The following HDAC9 variants were observed in gnomAD, a reference collection of about 807,000 sequenced individuals.
HDAC9 encodes the protein histone deacetylase 9, also known as MEF-2 interacting transcription repressor (MITR) protein.
A neutral mutation model predicts 139.4 loss-of-function variants in HDAC9; 41 were observed. That is an observed-to-expected ratio of 0.29 (90% CI 0.23 to 0.38). The LOEUF is 0.38. HDAC9 is among the 10% of genes least tolerant of loss of function. HDAC9 has a pLI of 1.00. For missense variants in HDAC9, 1,147 were observed against 1,297.0 expected, an observed-to-expected ratio of 0.88 and a Z score of 1.78; for synonymous variants, 517 against 476.2, an observed-to-expected ratio of 1.09 and a Z score of -1.12.
intron 2 of HDAC9, chr7:18,505,880 A>G (rs567234592): frequency 3.3e-5 from 5 of 152,332 alleles, no homozygotes; most frequent in African/African-American, 1.2e-4. Flanking sequence ...GCAGATGTCC[A>G]CATGTCTGTG....
intron 25 of HDAC9, among the ~76,000 whole-genome samples, chr7:18,986,759 T>C (rs1413669101): frequency 1.3e-5 from 2 of 152,192 alleles, no homozygotes; most frequent in Admixed American, 6.5e-5. Context: ...AGCAGTGGTT[T>C]GTAGTTCTCC....
At chr7:18,820,959 G>A (rs2129198844) in intron 17 of HDAC9, among the ~76,000 whole-genome samples, 1 of 152,140 alleles carries the variant, frequency 6.6e-6, no homozygotes, top group East Asian at 1.9e-4. Context: ...TGTATGATAA[G>A]CAGAAATGTA....
In HDAC9 at chr7:18,595,681, A is replaced by G. The variant is rs943899831; in HGVS notation, c.664+1652A>G. Among the ~76,000 whole-genome samples the G allele has an allele frequency of 8.0e-4, 122 of 152,174 alleles. 1 individual carries two copies. Among genetic ancestry groups the G allele is most frequent in the African/African-American group, 2.7e-3 (114 of 41,544 alleles). On this transcript the variant is annotated intron_variant, in intron 6 of 25. Transcript: ENST00000686413. The stretch of plus-strand genomic sequence containing the variant: ...GTTACATTCACAGAGAAAGACTTCT[A>G]TCCTGCTGAGCACAGAGCCTTTGAA...
intron 22 of HDAC9, among the ~76,000 whole-genome samples, chr7:18,880,033 T>C (rs751194084): frequency 6.6e-6 from 1 of 152,090 alleles, no homozygotes; most frequent in Non-Finnish European, 1.5e-5. Context: ...AAGACATATA[T>C]GCAGCCAACA....
At chr7:18,845,212 A>G (rs1325652900) in intron 21 of HDAC9, among the ~76,000 whole-genome samples, 2 of 152,190 alleles carry the variant, frequency 1.3e-5, no homozygotes, top group Non-Finnish European at 2.9e-5. Flanking sequence ...AGGCTCACTC[A>G]CCTGTTAATT....
At chr7:18,822,179 GT>G (rs1795025173) in intron 17 of HDAC9, among the ~76,000 whole-genome samples, 1 of 152,156 alleles carries the variant, frequency 6.6e-6, no homozygotes, top group African/African-American at 2.4e-5. Flanking sequence ...AGGTTGGGCT[GT>G]GGGGATAAAT....
At chr7:18,952,506 A>G (rs558443901) in intron 23 of HDAC9, among the ~76,000 whole-genome samples, 1 of 151,978 alleles carries the variant, frequency 6.6e-6, no homozygotes, top group African/African-American at 2.4e-5. Flanking sequence ...TGGAACATAG[A>G]GTGTCATTTC....
intron 16 of HDAC9, among the ~76,000 whole-genome samples, chr7:18,779,058 G>A (rs1227240931): frequency 6.6e-6 from 1 of 152,038 alleles, no homozygotes; most frequent in Admixed American, 6.6e-5. Context: ...CTTGGAATCT[G>A]AACGTCTTCC....
chr7:18,345,203 C>T (rs1017699669), intron 1 of HDAC9, among the ~76,000 whole-genome samples: 1 of 151,900 alleles, frequency 6.6e-6, no homozygotes. Context: ...ATTGTGTTTC[C>T]AAAGCCCAGA....
chr7:18,762,332 T>C, intron 15 of HDAC9, 55 bp downstream of exon 15: 2 of 1,591,328 alleles, frequency 1.3e-6, no homozygotes, highest in East Asian at 4.5e-5. Flanking sequence ...CTATCATTAG[T>C]CAACGCTGGT....
intron 1 of HDAC9, among the ~76,000 whole-genome samples, chr7:18,486,538 T>C (rs370163480): frequency 1.3e-4 from 20 of 152,200 alleles, no homozygotes; most frequent in African/African-American, 4.8e-4. Context: ...AAAACTGTAA[T>C]AGAAGCCAGT....
intron 22 of HDAC9, among the ~76,000 whole-genome samples, chr7:18,929,026 T>C (rs944934919): frequency 2.1e-4 from 32 of 152,144 alleles, no homozygotes; most frequent in African/African-American, 7.2e-4. Context: ...TTCCTTTCAC[T>C]ACCACTATTC....
chr7:18,749,437 T>A (rs1788258417), intron 14 of HDAC9, among the ~76,000 whole-genome samples: 1 of 152,200 alleles, frequency 6.6e-6, no homozygotes. Flanking sequence ...ATTGAGTTGA[T>A]CTTCTGAGAA....
In HDAC9 at chr7:18,302,481, G is replaced by A. The variant is rs187117579; in HGVS notation, c.-42+11966G>A. Among the ~76,000 whole-genome samples the A allele has an allele frequency of 1.8e-3, 276 of 152,282 alleles. 3 individuals are homozygous for A. The highest frequency in any genetic ancestry group is 6.4e-3 in the African/African-American group (265 of 41,546). On this transcript the variant is annotated intron_variant, in intron 1 of 3. Coordinates refer to the HDAC9 transcript ENST00000413509. ...CAGGAAGATCTGGATTTTTACATAA[G>A]CATATTATTAGCTACCTCAGTGATA... is the stretch of plus-strand genomic sequence containing the variant.
intron 2 of HDAC9, among the ~76,000 whole-genome samples, chr7:18,221,838 A>T (rs1792728343): frequency 6.6e-6 from 1 of 152,164 alleles, no homozygotes; most frequent in East Asian, 1.9e-4. Flanking sequence ...AGGAAGTGAA[A>T]TTCACTAAAT....
At chr7:18,478,230 C>T (rs572333150) in intron 1 of HDAC9, among the ~76,000 whole-genome samples, 1 of 152,122 alleles carries the variant, frequency 6.6e-6, no homozygotes, top group Non-Finnish European at 1.5e-5. Flanking sequence ...CGCCACCATG[C>T]CCCGGTAATA....
intron 1 of HDAC9, among the ~76,000 whole-genome samples, chr7:18,375,877 A>G (rs960656536): frequency 1.3e-5 from 2 of 152,238 alleles, no homozygotes; most frequent in Admixed American, 6.5e-5. Flanking sequence ...CCCTAATGCT[A>G]ATTCAGATGT....
intron 14 of HDAC9, among the ~76,000 whole-genome samples, chr7:18,755,889 A>T (rs996608675): frequency 2.6e-5 from 4 of 152,192 alleles, no homozygotes; most frequent in African/African-American, 7.2e-5. Flanking sequence ...TTGAAGATTG[A>T]TAATATTTTT....
intron 24 of HDAC9, among the ~76,000 whole-genome samples, chr7:18,956,708 C>T (rs907769993): frequency 6.6e-6 from 1 of 152,114 alleles, no homozygotes; most frequent in African/African-American, 2.4e-5. Context: ...CCGTGCAACT[C>T]AGGGGGAAGT....
Sources: allele counts gnomAD v4.1 joint callset (sites outside exome capture counted in the v4.1 genomes callset), GRCh38; gene constraint gnomAD v4.1.1; transcripts MANE v1.5; gene names NCBI Gene and HGNC (gene_info 2026-07-23, HGNC 2026-07-21).